Variants in SPTLC3 observed in about 807,000 individuals in gnomAD.
SPTLC3 encodes serine palmitoyltransferase 3.
In SPTLC3, 36 loss-of-function variants were observed where a neutral mutation model predicts 59.3. The observed-to-expected ratio is 0.61, with a 90% CI of 0.47 to 0.80. The LOEUF is 0.80. Among genes scored for constraint, SPTLC3 ranks in the 30% least tolerant of loss-of-function variants. SPTLC3 has a pLI of 0.00. For missense variants in SPTLC3, 625 were observed against 685.1 expected (o/e 0.91, Z 0.98); for synonymous variants, 257 against 240.8 (o/e 1.07, Z -0.62).
intron 8 of SPTLC3, among the ~76,000 whole-genome samples, chr20:13,122,154 G>A (rs536267154): frequency 3.9e-4 from 60 of 152,240 alleles, no homozygotes; most frequent in Non-Finnish European, 7.9e-4. Flanking sequence ...TCCATTAGAC[G>A]GTCAATATTT....
intron 3 of SPTLC3, 131 bp from the exon 4 acceptor site, chr20:13,074,218 T>G: frequency 8.6e-7 from 1 of 1,167,938 alleles, no homozygotes; most frequent in Non-Finnish European, 1.3e-6. Flanking sequence ...CTCACAGATC[T>G]GAGCTGCCAT....
At chr20:13,054,971 G>A (rs1987658648) in intron 2 of SPTLC3, among the ~76,000 whole-genome samples, 1 of 152,112 alleles carries the variant, frequency 6.6e-6, no homozygotes, top group Non-Finnish European at 1.5e-5. Context: ...AAGAAAAAAA[G>A]TTAACAGTAG....
chr20:13,052,298 G>A (rs1210771375), intron 2 of SPTLC3, among the ~76,000 whole-genome samples: 1 of 152,134 alleles, frequency 6.6e-6, no homozygotes, highest in African/African-American at 2.4e-5. Context: ...CTAGCCAAGG[G>A]AAGCCCTGAG....
At chr20:13,101,962 G>C (rs942322877) in intron 6 of SPTLC3, among the ~76,000 whole-genome samples, 7 of 152,306 alleles carry the variant, frequency 4.6e-5, no homozygotes, top group Middle Eastern at 3.4e-3. Context: ...CTTCAGCTTA[G>C]AGAGTTGTCA....
chr20:13,133,780 T>C (rs2038181048), intron 9 of SPTLC3, among the ~76,000 whole-genome samples: 1 of 152,150 alleles, frequency 6.6e-6, no homozygotes, highest in Non-Finnish European at 1.5e-5. Context: ...CGTACAGGGA[T>C]GGTCCAGTGA....
intron 9 of SPTLC3, among the ~76,000 whole-genome samples, chr20:13,142,192 A>AAG (rs1380880707): frequency 3.3e-5 from 5 of 152,160 alleles, no homozygotes; most frequent in Non-Finnish European, 7.4e-5. Flanking sequence ...AAAGAATGTA[A>AAG]AGAGAATCTG....
chr20:13,024,442 C>T (rs114653855), intron 1 of SPTLC3, among the ~76,000 whole-genome samples: 110 of 152,252 alleles, frequency 7.2e-4, no homozygotes, highest in African/African-American at 2.5e-3. Context: ...GCATCTCAAA[C>T]GAAGTTGTAG....
At chr20:13,074,728 C>T (rs957929477) in intron 4 of SPTLC3, among the ~76,000 whole-genome samples, 2 of 152,182 alleles carry the variant, frequency 1.3e-5, no homozygotes. Context: ...CTTTCCTGCC[C>T]ATATTATCTA....
chr20:13,073,991 T>C, intron 3 of SPTLC3: 1 of 609,624 alleles, frequency 1.6e-6, no homozygotes, highest in East Asian at 4.1e-5. Flanking sequence ...TGATGACCAA[T>C]GAATATCGGA....
chr20:13,068,227 G>A (rs899001452), intron 2 of SPTLC3, among the ~76,000 whole-genome samples: 1 of 152,044 alleles, frequency 6.6e-6, no homozygotes, highest in Admixed American at 6.6e-5. Context: ...GTCTTTTTAG[G>A]TTTAACTCAC....
chr20:13,136,663 T>C (rs1321662807), intron 9 of SPTLC3, among the ~76,000 whole-genome samples: 1 of 147,404 alleles, frequency 6.8e-6, no homozygotes, highest in African/African-American at 2.5e-5. Flanking sequence ...AAATAAAAGT[T>C]ATATATTATA....
intron 9 of SPTLC3, among the ~76,000 whole-genome samples, chr20:13,127,283 C>T (rs904412159): frequency 3.3e-5 from 5 of 152,188 alleles, no homozygotes; most frequent in Non-Finnish European, 5.9e-5. Flanking sequence ...TCATAAAAGC[C>T]TCTTGGAACT....
At chr20:13,142,361 A>G (rs2038403537) in intron 9 of SPTLC3, among the ~76,000 whole-genome samples, 1 of 152,164 alleles carries the variant, frequency 6.6e-6, no homozygotes, top group Non-Finnish European at 1.5e-5. Flanking sequence ...GTGGTGATGT[A>G]ATACATATGG....
intron 1 of SPTLC3, among the ~76,000 whole-genome samples, chr20:13,039,638 T>C (rs1364156297): frequency 6.6e-6 from 1 of 152,164 alleles, no homozygotes; most frequent in East Asian, 1.9e-4. Flanking sequence ...GTTTCATTTA[T>C]GTATTTTTGC....
chr20:13,049,111 T>G lies in SPTLC3; in HGVS notation c.284T>G (p.Val95Gly), dbSNP rs768657920. The change falls in exon 2 of 12, where the codon GTG becomes GGG. Residue 95 changes from valine to glycine, a missense_variant. Physicochemically the swap from Val to Gly is moderately radical, Grantham distance 109. Coordinates refer to ENST00000399002, the MANE Select transcript of SPTLC3 (RefSeq NM_018327.4). ...GGAATAGAAAAATGCAACGCAGCTGTGGAAAGAAAAGAACAAAAAGTACGT... is the reference window on the plus strand; with the variant it reads ...GGAATAGAAAAATGCAACGCAGCTGGGGAAAGAAAAGAACAAAAAGTACGT... ...NWGIEKCNAAVERKEQKDFVP... is the reference protein window; with the variant it reads ...NWGIEKCNAAGERKEQKDFVP... The G allele has an allele frequency of 1.2e-6, 2 of 1,613,662 alleles. No homozygotes were observed. Among genetic ancestry groups the G allele is most frequent in the Admixed American group, 1.7e-5 (1 of 59,948 alleles).
chr20:13,089,314 TATG>T (rs2122620132), intron 4 of SPTLC3, among the ~76,000 whole-genome samples: 1 of 152,338 alleles, frequency 6.6e-6, no homozygotes, highest in Non-Finnish European at 1.5e-5. Flanking sequence ...ATTTATCTGT[TATG>T]TTATATCATT....
At chr20:13,154,391 A>T (rs1320417025) in intron 10 of SPTLC3, among the ~76,000 whole-genome samples, 1 of 152,044 alleles carries the variant, frequency 6.6e-6, no homozygotes, top group Non-Finnish European at 1.5e-5. Flanking sequence ...GAAATCACTT[A>T]TCTCCCTCAG....
chr20:13,029,772 C>G (rs745498841), intron 1 of SPTLC3, among the ~76,000 whole-genome samples: 2 of 152,190 alleles, frequency 1.3e-5, no homozygotes, highest in African/African-American at 2.4e-5. Context: ...AGGATACATT[C>G]TGTCTTCAAA....
chr20:13,082,307 G>C (rs1459599072), intron 4 of SPTLC3, among the ~76,000 whole-genome samples: 1 of 152,156 alleles, frequency 6.6e-6, no homozygotes, highest in Non-Finnish European at 1.5e-5. Context: ...AGGTCGAGAA[G>C]ACTAGACATC....
Sources: gnomAD v4.1 joint callset for allele counts (sites outside exome capture counted in the v4.1 genomes callset) on GRCh38, gnomAD v4.1.1 for gene constraint, MANE v1.5 for transcripts, NCBI Gene and HGNC (gene_info 2026-07-23, HGNC 2026-07-21) for gene names.